The following MIGA1 variants were observed in gnomAD, a reference collection of about 807,000 sequenced individuals.
MIGA1 encodes the protein mitoguardin 1.
Under a neutral mutation model 82.0 loss-of-function variants are expected in MIGA1, and 58 were observed. The ratio of observed to expected loss-of-function variants is 0.71; its 90% CI spans 0.57 to 0.88. The LOEUF (loss-of-function observed/expected upper bound fraction) is 0.88. Ranked by LOEUF, MIGA1 falls within the 40% of genes least tolerant of loss-of-function variation. The pLI, the probability that MIGA1 is intolerant of heterozygous loss-of-function variation, is 0.00. For synonymous variants in MIGA1, 249 were observed against 253.6 expected (o/e 0.98, Z 0.17); for missense variants, 751 against 749.1 (o/e 1.00, Z -0.03).
intron 6 of MIGA1, 82 bp from the exon 7 acceptor site, chr1:77,815,026 C>T: frequency 1.0e-6 from 1 of 997,250 alleles, no homozygotes; most frequent in East Asian, 3.1e-5. Flanking sequence ...CTTTCTTTGC[C>T]TTTTATTTAA....
chr1:77,802,043 T>C (rs1014051994), intron 3 of MIGA1, among the ~76,000 whole-genome samples: 1 of 152,212 alleles, frequency 6.6e-6, no homozygotes, highest in Admixed American at 6.5e-5. Flanking sequence ...TTCCTTAGTA[T>C]GTAGAGTTCA....
chr1:77,797,649 A>T (rs532404483), intron 2 of MIGA1, among the ~76,000 whole-genome samples: 2 of 152,180 alleles, frequency 1.3e-5, no homozygotes, highest in African/African-American at 4.8e-5. Context: ...TTTGTGTTTC[A>T]TTGTTACCTA....
chr1:77,834,503 G>A (rs933350482), intron 7 of MIGA1, among the ~76,000 whole-genome samples: 2 of 152,024 alleles, frequency 1.3e-5, no homozygotes, highest in Non-Finnish European at 2.9e-5. Context: ...TGTTTCAGTG[G>A]ATTTTATTGT....
intron 14 of MIGA1, among the ~76,000 whole-genome samples, chr1:77,869,976 C>T (rs1486075444): frequency 6.4e-5 from 9 of 140,694 alleles, no homozygotes; most frequent in African/African-American, 2.4e-4. Flanking sequence ...GACCCCCCCA[C>T]CTCCCTCCCG....
chr1:77,832,366 A>G (rs1451625523), intron 7 of MIGA1, among the ~76,000 whole-genome samples: 1 of 152,276 alleles, frequency 6.6e-6, no homozygotes, highest in Non-Finnish European at 1.5e-5. Flanking sequence ...CACTGGAGAA[A>G]TAAAGATGAA....
At chr1:77,829,170 A>G (rs1684142957) in intron 7 of MIGA1, among the ~76,000 whole-genome samples, 1 of 151,998 alleles carries the variant, frequency 6.6e-6, no homozygotes, top group African/African-American at 2.4e-5. Context: ...ATGTAATCCC[A>G]GCACTTTGGG....
chr1:77,801,299 A>T, intron 2 of MIGA1, 32 bp from the exon 3 acceptor site: 1 of 1,501,382 alleles, frequency 6.7e-7, no homozygotes. Context: ...AATTAAAGAG[A>T]TTTTTTTCAA....
intron 2 of MIGA1, among the ~76,000 whole-genome samples, chr1:77,789,052 TTC>T (rs1327795202): frequency 6.6e-6 from 1 of 152,058 alleles, no homozygotes; most frequent in Non-Finnish European, 1.5e-5. Context: ...TGGGATGTGT[TTC>T]TGTTTATTCA....
At chr1:77,848,904 G>C (rs1684941735) in intron 8 of MIGA1, 1 of 581,090 alleles carries the variant, frequency 1.7e-6, no homozygotes, top group Non-Finnish European at 2.7e-6. Flanking sequence ...AGTTTGGAGG[G>C]CATTTTAAAA....
At chr1:77,788,811 C>T (rs962758725) in intron 2 of MIGA1, among the ~76,000 whole-genome samples, 2 of 152,148 alleles carry the variant, frequency 1.3e-5, no homozygotes, top group Non-Finnish European at 2.9e-5. Flanking sequence ...ATTACTGTCG[C>T]TTTATAGTGA....
At chr1:77,820,926 G>A (rs1191373712) in intron 7 of MIGA1, among the ~76,000 whole-genome samples, 1 of 152,142 alleles carries the variant, frequency 6.6e-6, no homozygotes, top group Admixed American at 6.5e-5. Flanking sequence ...CTGAGGTCAG[G>A]AGTTCAAGAC....
chr1:77,782,678 T>C (rs1336802604), intron 1 of MIGA1, among the ~76,000 whole-genome samples: 1 of 152,196 alleles, frequency 6.6e-6, no homozygotes, highest in Non-Finnish European at 1.5e-5. Context: ...GCATTAAAAC[T>C]ATACCAAAAT....
chr1:77,860,076 G>A lies in MIGA1; in HGVS notation c.1225G>A (p.Ala409Thr), dbSNP rs1400851273. The change falls in exon 11 of 16, where the codon GCT becomes ACT. Residue 409 changes from alanine (A) to threonine (T), a missense_variant. By Grantham distance (58) the Ala-to-Thr change is moderately conservative. Coordinates refer to ENST00000370791, the MANE Select transcript of MIGA1 (RefSeq NM_198549.4). ...AGAATCAGCTAACAGGATATTCCTC[G>A]CTGAGAGCGGAAGGAAAATTTTATC... is the stretch of plus-strand genomic sequence containing the variant. 3.1e-6 allele frequency: 5 copies of A among 1,611,852 alleles called. No individual in the cohort carries two copies. The highest frequency in any genetic ancestry group is 1.7e-6 in the Non-Finnish European group (2 of 1,179,024).
intron 4 of MIGA1, among the ~76,000 whole-genome samples, chr1:77,804,541 T>C (rs957427776): frequency 6.6e-6 from 1 of 151,952 alleles, no homozygotes; most frequent in East Asian, 1.9e-4. Context: ...AGAGAAACTT[T>C]GTCTCTAAAA....
chr1:77,783,411 GT>G, intron 2 of MIGA1, 60 bp downstream of exon 2: 1 of 986,024 alleles, frequency 1.0e-6, no homozygotes, highest in Non-Finnish European at 1.5e-6. Context: ...AGCATATTTT[GT>G]TTACATTATT....
At chr1:77,867,223 A>G (rs537925915) in intron 14 of MIGA1, among the ~76,000 whole-genome samples, 1 of 152,272 alleles carries the variant, frequency 6.6e-6, no homozygotes, top group South Asian at 2.1e-4. Context: ...CTGGGTTCAA[A>G]TGCCACATAC....
rs750488429 is a variant in MIGA1, at chr1:77,813,756, A to G, written c.660A>G (p.Ala220=). Residue 220 remains alanine (A), a synonymous_variant, in exon 6 of 16, where the codon GCA becomes GCG. Coordinates refer to ENST00000370791, the MANE Select transcript of MIGA1 (RefSeq NM_198549.4). ...TAGGTATGGAATTGTTTGAAGAGGC[A>G]TTGCGTCGATGGGAACAAGCTCTGA... 3.1e-6 allele frequency: 5 copies of G among 1,614,092 alleles called. No homozygotes were observed. Among genetic ancestry groups the G allele is most frequent in the Non-Finnish European group, 4.2e-6 (5 of 1,180,042 alleles).
At position 77,859,310 on chromosome 1, in the gene MIGA1, A is replaced by G. The variant is rs1318009225; in HGVS notation, c.1116-4A>G. On this transcript the variant is annotated splice_polypyrimidine_tract_variant and splice_region_variant and intron_variant, in intron 9 of 15. Transcript: ENST00000370791. Reference sequence around the variant, plus strand: ...AACAATTGTCTCCCCTGTTTATTACATAGAACTGAAATGTTGGAGTGCCTA... The same window carrying G: ...AACAATTGTCTCCCCTGTTTATTACGTAGAACTGAAATGTTGGAGTGCCTA... 25 of 1,609,108 alleles carry G rather than the reference A, an allele frequency of 1.6e-5. No individual in the cohort carries two copies. Among genetic ancestry groups the G allele is most frequent in the Non-Finnish European group, 2.0e-5 (23 of 1,175,592 alleles).
chr1:77,842,694 CG>C (rs1291875164), intron 7 of MIGA1, among the ~76,000 whole-genome samples: 9 of 152,176 alleles, frequency 5.9e-5, no homozygotes, highest in Non-Finnish European at 1.2e-4. Context: ...ACTACAGGTG[CG>C]CACCTGGCTA....
Sources: allele counts gnomAD v4.1 joint callset (sites outside exome capture counted in the v4.1 genomes callset), GRCh38; gene constraint gnomAD v4.1.1; transcripts MANE v1.5; gene names NCBI Gene and HGNC (gene_info 2026-07-23, HGNC 2026-07-21).